The following ARMC9 variants were observed in gnomAD, a reference collection of about 807,000 sequenced individuals.
ARMC9 encodes the protein armadillo repeat containing 9.
Under a neutral mutation model 107.0 loss-of-function variants are expected in ARMC9, and 94 were observed. That is an observed-to-expected ratio of 0.88 (90% CI 0.74 to 1.04). The LOEUF is 1.04. Among genes scored for constraint, ARMC9 ranks in the 50% least tolerant of loss-of-function variants. ARMC9 has a pLI of 0.00. For synonymous variants in ARMC9, 380 were observed against 396.9 expected (o/e 0.96, Z 0.51); for missense variants, 942 against 1,030.1 (o/e 0.91, Z 1.17).
chr2:231,326,486 C>A (rs920324798), intron 19 of ARMC9, among the ~76,000 whole-genome samples: 2 of 152,318 alleles, frequency 1.3e-5, no homozygotes, highest in East Asian at 1.9e-4. Context: ...CTGGGGCCTG[C>A]CTCTTATTCT....
At chr2:231,317,356 A>G (rs1269691412) in intron 19 of ARMC9, among the ~76,000 whole-genome samples, 3 of 151,936 alleles carry the variant, frequency 2.0e-5, no homozygotes, top group African/African-American at 4.8e-5. Flanking sequence ...TTTTTAGTCG[A>G]GGCAGGGTTT....
chr2:231,246,570 A>C (rs1304300257), intron 9 of ARMC9, among the ~76,000 whole-genome samples: 4 of 152,182 alleles, frequency 2.6e-5, no homozygotes, highest in African/African-American at 9.7e-5. Context: ...ATTCCATTGT[A>C]TATGTGTACC....
chr2:231,358,181 G>T lies in ARMC9; in HGVS notation c.2131+2247G>T, dbSNP rs1489711496. 1.1e-4 allele frequency among the ~76,000 whole-genome samples: 17 copies of T among 152,166 alleles called. No homozygotes were observed. Among genetic ancestry groups the T allele is most frequent in the Admixed American group, 1.1e-3 (17 of 15,282 alleles). On this transcript the variant is annotated intron_variant, in intron 22 of 24. Coordinates refer to ENST00000611582, the MANE Select transcript of ARMC9 (RefSeq NM_001352754.2). The surrounding 1 kb of genome is among the most constrained non-coding windows in gnomAD (Gnocchi z 4.5). ...GGTTAAGTCCATTAAGCCAGGGTAT[G>T]AATGAGGGGGAGGGGGATGAGCAGC... is the stretch of plus-strand genomic sequence containing the variant.
intron 14 of ARMC9, among the ~76,000 whole-genome samples, chr2:231,275,620 T>G (rs1478983961): frequency 6.6e-6 from 1 of 152,220 alleles, no homozygotes; most frequent in Non-Finnish European, 1.5e-5. Context: ...TTTATACAGC[T>G]CAGAGTGCCT....
chr2:231,248,922 T>G (rs1424481124), intron 9 of ARMC9, among the ~76,000 whole-genome samples: 5 of 152,048 alleles, frequency 3.3e-5, no homozygotes, highest in Non-Finnish European at 7.4e-5. Context: ...GCTGAGATAT[T>G]GCCTCAAGGG....
Position 231,288,280 on chromosome 2 carries a change from C to T in ARMC9, c.1627-3073C>T, listed in dbSNP as rs139213074. On this transcript the variant is annotated intron_variant, in intron 17 of 24. Coordinates refer to ENST00000611582, the MANE Select transcript of ARMC9 (RefSeq NM_001352754.2). The stretch of plus-strand genomic sequence containing the variant: ...CATATTATCAGTATATTCTGAGTTA[C>T]GTAAAACAATGTACATAAAAGGAAG... 4.9e-4 allele frequency among the ~76,000 whole-genome samples: 74 copies of T among 151,918 alleles called. 1 individual carries two copies. Among genetic ancestry groups the T allele is most frequent in the South Asian group, 4.2e-4 (2 of 4,774 alleles).
At chr2:231,307,808 A>G (rs1016036180) in intron 19 of ARMC9, among the ~76,000 whole-genome samples, 1 of 152,246 alleles carries the variant, frequency 6.6e-6, no homozygotes, top group Non-Finnish European at 1.5e-5. Flanking sequence ...ATTCAGCCCA[A>G]TTGACAAAAA....
rs1418223950 is a variant in ARMC9 at position 231,372,704 on chromosome 2, GTGTGT to G, written c.*1170_*1174del. 2 of 14,206 alleles carry G rather than the reference GTGTGT, an allele frequency of 1.4e-4. No homozygotes were observed. Among genetic ancestry groups the G allele is most frequent in the East Asian group, 1.8e-3 (2 of 1,118 alleles). The allele number at this position is 14,206 out of a possible 1,614,324, so 0.9% of individuals were successfully genotyped here. On this transcript the variant is annotated 3_prime_UTR_variant, in exon 25 of 25. Coordinates refer to ENST00000611582, the MANE Select transcript of ARMC9 (RefSeq NM_001352754.2). ...AAAACCCATCAGTATTTAGTGGTGT[GTGTGT>G]GTGTGTGTGTGTGTGTGTGTGTGTG...
chr2:231,345,155 A>T (rs1056326265), intron 21 of ARMC9, 65 bp downstream of exon 21: 1 of 1,567,780 alleles, frequency 6.4e-7, no homozygotes, highest in African/African-American at 1.4e-5. Flanking sequence ...ACAGTGTAAG[A>T]TGTATGTATT....
At chr2:231,216,828 T>A (rs1182061662) in intron 5 of ARMC9, 35 bp downstream of exon 5, 1 of 1,590,630 alleles carries the variant, frequency 6.3e-7, no homozygotes, top group African/African-American at 1.4e-5. Context: ...TGTCAGATCC[T>A]GGGTGACATT....
At chr2:231,337,286 A>ATT (rs1423365679) in intron 20 of ARMC9, among the ~76,000 whole-genome samples, 15 of 59,704 alleles carry the variant, frequency 2.5e-4, no homozygotes, top group African/African-American at 9.8e-4. Context: ...ATATATATAT[A>ATT]TATATTTTTT....
At chr2:231,271,179 A>G in intron 13 of ARMC9, 107 bp downstream of exon 13, 1 of 1,048,444 alleles carries the variant, frequency 9.5e-7, no homozygotes. Context: ...ACGCTTCCTC[A>G]GTTTGTTACC....
At chr2:231,331,561 C>T (rs114753602) in intron 19 of ARMC9, among the ~76,000 whole-genome samples, 1 of 152,284 alleles carries the variant, frequency 6.6e-6, no homozygotes, top group African/African-American at 2.4e-5. Context: ...AGTGGAGGCT[C>T]CCTAGCTCCC....
intron 5 of ARMC9, among the ~76,000 whole-genome samples, chr2:231,218,057 A>G (rs1574630702): frequency 6.6e-6 from 1 of 152,204 alleles, no homozygotes. Context: ...ACAGCAACTG[A>G]TGCAATTCTT....
At chr2:231,239,151 G>C (rs547445119) in intron 8 of ARMC9, among the ~76,000 whole-genome samples, 16 of 152,302 alleles carry the variant, frequency 1.1e-4, no homozygotes, top group Non-Finnish European at 2.2e-4. Flanking sequence ...ATTGGTTTGT[G>C]GGGGAAGGGT....
chr2:231,335,275 G>A (rs1338114381), intron 20 of ARMC9, among the ~76,000 whole-genome samples: 1 of 152,190 alleles, frequency 6.6e-6, no homozygotes. Context: ...TAAGGATAGA[G>A]TCTAGGCCCT....
intron 5 of ARMC9, among the ~76,000 whole-genome samples, chr2:231,218,301 G>A (rs1261244024): frequency 1.3e-5 from 2 of 152,048 alleles, no homozygotes; most frequent in East Asian, 3.8e-4. Flanking sequence ...GGTTAAGAAG[G>A]TGATTAAATC....
At chr2:231,199,788 T>C (rs1240003942) in intron 1 of ARMC9, among the ~76,000 whole-genome samples, 1 of 152,048 alleles carries the variant, frequency 6.6e-6, no homozygotes, top group African/African-American at 2.4e-5. Context: ...CTCCACCTCC[T>C]GGGTTCAAGC....
chr2:231,312,598 C>CTT (rs1205045864), intron 19 of ARMC9, among the ~76,000 whole-genome samples: 8 of 126,580 alleles, frequency 6.3e-5, no homozygotes, highest in African/African-American at 8.6e-5. Flanking sequence ...GTTTCACACA[C>CTT]TTTTTTTTTT....
Sources: allele counts gnomAD v4.1 joint callset (sites outside exome capture counted in the v4.1 genomes callset), GRCh38; gene constraint gnomAD v4.1.1; non-coding constraint Gnocchi (gnomAD v3.1); transcripts MANE v1.5; gene names NCBI Gene and HGNC (gene_info 2026-07-23, HGNC 2026-07-21).